Variants in RALGPS1 observed in about 807,000 individuals in gnomAD.
The protein encoded by RALGPS1 is ras-specific guanine nucleotide-releasing factor RalGPS1.
A neutral mutation model predicts 78.8 loss-of-function variants in RALGPS1; 19 were observed. The ratio of observed to expected loss-of-function variants is 0.24; its 90% CI spans 0.17 to 0.35. RALGPS1 has a LOEUF of 0.35. RALGPS1 is among the 10% of genes least tolerant of loss of function. The pLI, the probability that RALGPS1 is intolerant of heterozygous loss-of-function variation, is 1.00. For missense variants in RALGPS1, 454 were observed against 688.3 expected (o/e 0.66, Z 3.81); for synonymous variants, 228 against 256.3 (o/e 0.89, Z 1.06).
chr9:127,190,515 G>A (rs2060968015), intron 11 of RALGPS1, among the ~76,000 whole-genome samples: 1 of 152,022 alleles, frequency 6.6e-6, no homozygotes, highest in Non-Finnish European at 1.5e-5. Context: ...TTTAGAGACG[G>A]GGTTTCACTG....
At chr9:127,028,164 G>T (rs986736882) in intron 4 of RALGPS1, among the ~76,000 whole-genome samples, 1 of 152,226 alleles carries the variant, frequency 6.6e-6, no homozygotes, top group Non-Finnish European at 1.5e-5. Context: ...TCCTGGGCTG[G>T]CCCTAACTCA....
At chr9:126,964,986 G>A (rs1406143621) in intron 2 of RALGPS1, among the ~76,000 whole-genome samples, 1 of 152,178 alleles carries the variant, frequency 6.6e-6, no homozygotes, top group African/African-American at 2.4e-5. Context: ...TTTATGAACA[G>A]GGCACAATTT....
chr9:127,176,732 G>A (rs1048169969), intron 11 of RALGPS1, among the ~76,000 whole-genome samples: 8 of 152,150 alleles, frequency 5.3e-5, no homozygotes, highest in African/African-American at 1.7e-4. Flanking sequence ...CCCATCTCCC[G>A]GTGCCCCTTC....
Position 127,163,516 on chromosome 9 carries a change from A to G in RALGPS1, c.611-2553A>G, listed in dbSNP as rs186430816. On this transcript the variant is annotated intron_variant, in intron 8 of 18. Coordinates refer to ENST00000259351, the MANE Select transcript of RALGPS1 (RefSeq NM_014636.3). ...AATGGCTCCTGTGAGAAGTATTAGCATATGTTTCTGTGATTTAACAGTTTC... is the reference window on the plus strand; with the variant it reads ...AATGGCTCCTGTGAGAAGTATTAGCGTATGTTTCTGTGATTTAACAGTTTC... Among the ~76,000 whole-genome samples the G allele has an allele frequency of 1.4e-4, 22 of 152,360 alleles. 1 individual carries two copies. Among genetic ancestry groups the G allele is most frequent in the African/African-American group, 2.4e-4 (10 of 41,580 alleles).
chr9:127,083,721 CT>C (rs886593211), intron 8 of RALGPS1, among the ~76,000 whole-genome samples: 2 of 152,184 alleles, frequency 1.3e-5, no homozygotes, highest in Admixed American at 1.3e-4. Context: ...GTGGACTTTT[CT>C]TTTCCCAGTC....
At chr9:127,068,343 G>A (rs1301141461) in intron 7 of RALGPS1, among the ~76,000 whole-genome samples, 1 of 152,172 alleles carries the variant, frequency 6.6e-6, no homozygotes, top group Non-Finnish European at 1.5e-5. Flanking sequence ...CCCTGGAGAT[G>A]GTGAGGAGAG....
chr9:127,116,228 G>A (rs897826380), intron 8 of RALGPS1, among the ~76,000 whole-genome samples: 11 of 152,046 alleles, frequency 7.2e-5, no homozygotes, highest in Non-Finnish European at 1.6e-4. Context: ...CTGATGCTTT[G>A]GGCTCTTGTG....
intron 5 of RALGPS1, among the ~76,000 whole-genome samples, chr9:127,045,007 A>G (rs2135135400): frequency 6.6e-6 from 1 of 152,354 alleles, no homozygotes; most frequent in East Asian, 1.9e-4. Flanking sequence ...AAAGCTATAG[A>G]GATGATAAAC....
intron 4 of RALGPS1, among the ~76,000 whole-genome samples, chr9:126,996,207 CA>C (rs2042735574): frequency 6.6e-6 from 1 of 152,050 alleles, no homozygotes; most frequent in African/African-American, 2.4e-5. Context: ...GAAATAGAGA[CA>C]CAAAAAACCC....
chr9:127,213,201 A>G, intron 17 of RALGPS1, 152 bp downstream of exon 17: 6 of 1,439,224 alleles, frequency 4.2e-6, no homozygotes, highest in Non-Finnish European at 5.5e-6. Flanking sequence ...GCTAGTCCAC[A>G]AAAGCTGCAT....
intron 4 of RALGPS1, among the ~76,000 whole-genome samples, chr9:126,994,610 G>T (rs2042569945): frequency 6.6e-6 from 1 of 152,308 alleles, no homozygotes; most frequent in African/African-American, 2.4e-5. Context: ...CACTCTGCAG[G>T]ATATTATCCA....
rs1230215292 is a variant in RALGPS1 at position 127,010,344 on chromosome 9, C to G, written c.217-24087C>G. Among the ~76,000 whole-genome samples, 8 of 152,176 alleles carry G rather than the reference C, an allele frequency of 5.3e-5. 1 individual carries two copies. The highest frequency in any genetic ancestry group is 4.1e-4 in the South Asian group (2 of 4,828). ...AGCTCCTGAGTCCTAGAGACTGATT[C>G]ACTTTTTCTCCCTCCATCTAGCTTC... On this transcript the variant is annotated intron_variant, in intron 4 of 18. Transcript: ENST00000259351.
chr9:127,030,043 TTGAC>T (rs2046297228), intron 4 of RALGPS1, among the ~76,000 whole-genome samples: 1 of 152,248 alleles, frequency 6.6e-6, no homozygotes, highest in Admixed American at 6.5e-5. Flanking sequence ...ACATTCTTCT[TTGAC>T]TGTCAGATGA....
chr9:127,168,630 C>T (rs769689519), intron 9 of RALGPS1, 49 bp from the exon 10 acceptor site: 1 of 1,324,798 alleles, frequency 7.5e-7, no homozygotes, highest in Admixed American at 1.7e-5. Context: ...ATCTGGGGGC[C>T]TAAAGATGGG....
intron 3 of RALGPS1, among the ~76,000 whole-genome samples, chr9:126,968,128 G>A (rs1365528205): frequency 2.0e-5 from 3 of 150,630 alleles, no homozygotes; most frequent in African/African-American, 7.3e-5. Flanking sequence ...TCAGCCTCCC[G>A]AGTAGCTGGG....
intron 11 of RALGPS1, chr9:127,178,162 G>A (rs2059991706): frequency 6.7e-6 from 4 of 599,426 alleles, no homozygotes; most frequent in Admixed American, 3.3e-5. Context: ...CAGGGAGGGG[G>A]AAGCAGGAGC....
At chr9:127,177,725 C>CA (rs1025660626) in intron 11 of RALGPS1, among the ~76,000 whole-genome samples, 3 of 152,200 alleles carry the variant, frequency 2.0e-5, no homozygotes, top group African/African-American at 7.2e-5. Context: ...TGGGGTCACT[C>CA]ACTGGTCCCT....
At chr9:127,015,862 C>T (rs907748891) in intron 4 of RALGPS1, among the ~76,000 whole-genome samples, 6 of 152,120 alleles carry the variant, frequency 3.9e-5, no homozygotes, top group African/African-American at 1.4e-4. Context: ...AGGCACTTCT[C>T]ACACCATGTT....
rs781775344 is a variant in RALGPS1, at chr9:127,049,943, A to T, written c.301-100A>T. 1.1e-4 allele frequency: 99 copies of T among 867,894 alleles called. 1 individual carries two copies. In the Admixed American group the frequency reaches 1.2e-3, roughly 11 times the overall value. 53.8% of individuals were successfully genotyped at this position (867,894 alleles called of 1,614,324 possible). A position where few individuals can be genotyped will look rare whatever the true frequency, so the allele number is the denominator to read the frequency against. On this transcript the variant is annotated intron_variant, in intron 5 of 18. Coordinates refer to ENST00000259351, the MANE Select transcript of RALGPS1 (RefSeq NM_014636.3). The stretch of plus-strand genomic sequence containing the variant: ...CTCTCCCAGTTTCCTGACCTCTTGG[A>T]AATCCCATAACAGCGGTGGGCAAGG...
Sources: allele counts gnomAD v4.1 joint callset (sites outside exome capture counted in the v4.1 genomes callset), GRCh38; gene constraint gnomAD v4.1.1; transcripts MANE v1.5; gene names NCBI Gene and HGNC (gene_info 2026-07-23, HGNC 2026-07-21).